PRELID2: variants seen among roughly 807,000 people sequenced by gnomAD.
PRELID2 encodes the protein PRELI domain-containing protein 2.
A neutral mutation model predicts 28.4 loss-of-function variants in PRELID2; 25 were observed. That is an observed-to-expected ratio of 0.88 (90% confidence interval 0.64 to 1.23). The LOEUF is 1.23. Among genes scored for constraint, PRELID2 ranks in the 50% most tolerant of loss-of-function variants. The probability of loss-of-function intolerance (pLI) is 0.00; values close to 1 mark genes in which losing one functional copy is unlikely to be tolerated. For synonymous variants in PRELID2, 76 were observed against 71.6 expected, an observed-to-expected ratio of 1.06 and a Z score of -0.31; for missense variants, 201 against 214.4, an observed-to-expected ratio of 0.94 and a Z score of 0.39.
downstream of PRELID2, among the ~76,000 whole-genome samples, chr5:145,752,985 T>C (rs1414369258): frequency 2.0e-5 from 3 of 152,182 alleles, no homozygotes; most frequent in African/African-American, 7.2e-5. Flanking sequence ...GTTTAAACAA[T>C]TGATGAGTTT....
the PRELID2 span, among the ~76,000 whole-genome samples, chr5:145,350,515 A>G: frequency 6.6e-6 from 1 of 152,208 alleles, no homozygotes; most frequent in Non-Finnish European, 1.5e-5. Context: ...GAGTTGATTG[A>G]GGCCATTATG....
chr5:145,627,181 A>C lies in PRELID2; in HGVS notation n.70+137750T>G, dbSNP rs951575010. ...ATATACCGTGGAATACAACTCAGCC[A>C]TAAAAAAGAATGAAATCGTATATTT... On this transcript the variant is annotated intron_variant and non_coding_transcript_variant, in intron 1 of 2. Coordinates refer to the PRELID2 transcript ENST00000510259. Among the ~76,000 whole-genome samples the C allele has an allele frequency of 2.9e-4, 44 of 150,344 alleles. 1 individual carries two copies. The highest frequency in any genetic ancestry group is 1.5e-4 in the Non-Finnish European group (10 of 67,734).
chr5:145,734,592 G>A (rs1756441458), intron 1 of PRELID2, among the ~76,000 whole-genome samples: 1 of 152,116 alleles, frequency 6.6e-6, no homozygotes, highest in Non-Finnish European at 1.5e-5. Flanking sequence ...ATATTAATTA[G>A]CATGTTTTAT....
chr5:145,391,740 T>C, the PRELID2 span, among the ~76,000 whole-genome samples: 1 of 151,916 alleles, frequency 6.6e-6, no homozygotes, highest in African/African-American at 2.4e-5. Context: ...ACCTTTATGC[T>C]CTGCTTCTTC....
In PRELID2 at chr5:145,611,037, T is replaced by G. The variant is rs571790443; in HGVS notation, n.71-137722A>C. Among the ~76,000 whole-genome samples the G allele has an allele frequency of 2.1e-3, 320 of 149,612 alleles. 2 individuals carry two copies. Among genetic ancestry groups the G allele is most frequent in the Middle Eastern group, 7.1e-3 (2 of 280 alleles). On this transcript the variant is annotated intron_variant and non_coding_transcript_variant, in intron 1 of 2. Coordinates refer to the PRELID2 transcript ENST00000510259. Reference sequence around the variant, plus strand: ...ATATTAAAATATGTAATATGAAATATAGAGAGAGAGAAGAATTGTAAATGA... The same window carrying G: ...ATATTAAAATATGTAATATGAAATAGAGAGAGAGAGAAGAATTGTAAATGA...
the PRELID2 span, among the ~76,000 whole-genome samples, chr5:145,260,572 A>T: frequency 6.6e-6 from 1 of 152,204 alleles, no homozygotes; most frequent in African/African-American, 2.4e-5. Context: ...AAAATTTTTT[A>T]TGTTTAATGT....
intron 2 of PRELID2, among the ~76,000 whole-genome samples, chr5:145,822,343 G>C (rs436465): frequency 6.6e-5 from 10 of 152,098 alleles, no homozygotes; most frequent in Non-Finnish European, 1.0e-4. Context: ...AAAGAATCAG[G>C]TGCTAAATAA....
chr5:145,821,151 G>GT (rs1167740233), intron 2 of PRELID2, among the ~76,000 whole-genome samples: 74 of 128,044 alleles, frequency 5.8e-4, no homozygotes, highest in East Asian at 1.9e-3. Flanking sequence ...CAACTCTCCT[G>GT]GGTGTGTGTG....
chr5:145,559,408 T>C (rs1010366636), intron 1 of PRELID2, among the ~76,000 whole-genome samples: 1 of 151,960 alleles, frequency 6.6e-6, no homozygotes, highest in African/African-American at 2.4e-5. Context: ...GACCTGAAAA[T>C]ATTCTGTTAC....
At chr5:145,632,831 T>C (rs532124656) in intron 1 of PRELID2, among the ~76,000 whole-genome samples, 67 of 152,244 alleles carry the variant, frequency 4.4e-4, no homozygotes, top group African/African-American at 1.5e-3. Context: ...TCAGTTAACT[T>C]TGAGTTAATA....
At chr5:145,571,780 G>A (rs1753016980) in intron 1 of PRELID2, among the ~76,000 whole-genome samples, 1 of 152,108 alleles carries the variant, frequency 6.6e-6, no homozygotes, top group Non-Finnish European at 1.5e-5. Flanking sequence ...AGGAGATCGA[G>A]ACCACCCTGG....
chr5:145,305,088 A>G, the PRELID2 span, among the ~76,000 whole-genome samples: 1 of 152,190 alleles, frequency 6.6e-6, no homozygotes, highest in Admixed American at 6.6e-5. Flanking sequence ...CTATCTCCTG[A>G]AACTTCACCA....
chr5:145,302,531 T>C, the PRELID2 span, among the ~76,000 whole-genome samples: 1 of 152,104 alleles, frequency 6.6e-6, no homozygotes, highest in Non-Finnish European at 1.5e-5. Flanking sequence ...CCTTTTTGAA[T>C]CTCTTTTTAA....
At chr5:145,648,290 A>G (rs112002946) in intron 1 of PRELID2, among the ~76,000 whole-genome samples, 43 of 152,318 alleles carry the variant, frequency 2.8e-4, no homozygotes, top group African/African-American at 9.9e-4. Flanking sequence ...TTTAAAGTGG[A>G]CTACAGTGTC....
chr5:145,294,071 T>G, the PRELID2 span, among the ~76,000 whole-genome samples: 1 of 152,208 alleles, frequency 6.6e-6, no homozygotes, highest in Non-Finnish European at 1.5e-5. Flanking sequence ...CATCCTTCTC[T>G]TTTAAAGATT....
intron 1 of PRELID2, among the ~76,000 whole-genome samples, chr5:145,825,053 C>G (rs1458192184): frequency 6.6e-6 from 1 of 151,568 alleles, no homozygotes. Context: ...TAGTGAAACC[C>G]TGTCTCTACT....
intron 1 of PRELID2, among the ~76,000 whole-genome samples, chr5:145,573,715 T>A (rs188893635): frequency 6.6e-6 from 1 of 152,294 alleles, no homozygotes; most frequent in Non-Finnish European, 1.5e-5. Flanking sequence ...TTCCATGATG[T>A]ATATGTGCCA....
the PRELID2 span, among the ~76,000 whole-genome samples, chr5:145,314,720 T>A: frequency 1.2e-4 from 19 of 152,034 alleles, no homozygotes; most frequent in African/African-American, 4.6e-4. Flanking sequence ...AGTTGCCAGG[T>A]CATCCCTGGG....
chr5:145,584,146 C>T (rs1753131646), intron 1 of PRELID2, among the ~76,000 whole-genome samples: 1 of 152,096 alleles, frequency 6.6e-6, no homozygotes, highest in African/African-American at 2.4e-5. Flanking sequence ...ACACCTACAA[C>T]CATCTGATCT....
Sources: allele counts gnomAD v4.1 joint callset (sites outside exome capture counted in the v4.1 genomes callset), GRCh38; gene constraint gnomAD v4.1.1; transcripts MANE v1.5; gene names NCBI Gene and HGNC (gene_info 2026-07-23, HGNC 2026-07-21).